The following TMEM63A variants were observed in gnomAD, a reference collection of about 807,000 sequenced individuals.
TMEM63A encodes transmembrane protein 63A.
TMEM63A carries 76 observed loss-of-function variants against 100.6 expected under a neutral mutation model. That is an observed-to-expected ratio of 0.76 (90% CI 0.63 to 0.91). The LOEUF is 0.91. Among genes scored for constraint, TMEM63A ranks in the 40% least tolerant of loss-of-function variants. TMEM63A has a pLI of 0.00. For missense variants in TMEM63A, 876 were observed against 1,008.8 expected, an observed-to-expected ratio of 0.87 and a Z score of 1.78; for synonymous variants, 401 against 401.1, an observed-to-expected ratio of 1.00 and a Z score of 0.00.
intron 5 of TMEM63A, 72 bp from the exon 6 acceptor site, chr1:225,871,185 T>C (rs928550005): frequency 3.3e-6 from 5 of 1,498,872 alleles, no homozygotes; most frequent in Non-Finnish European, 4.6e-6. Flanking sequence ...CCATTGTCTT[T>C]GACATTAAAT....
chr1:225,871,866 G>C (rs948288522), intron 5 of TMEM63A, 121 bp downstream of exon 5: 2 of 720,706 alleles, frequency 2.8e-6, no homozygotes, highest in Admixed American at 5.2e-5. Flanking sequence ...TGCCTTCGTC[G>C]ATGCAGAAAA....
chr1:225,862,304 C>A lies in TMEM63A; in HGVS notation c.999G>T (p.Glu333Asp). The stretch of plus-strand genomic sequence containing the variant: ...CGTGGCGTTCTTCCTCTGTGATCCT[C>A]TCCAGCAGCCTGTCCTTCATCCGTG... ...YYTRMKDRLL[E>D]RITEEERHVQ... is the part of the protein sequence containing the mutation. The change falls in exon 13 of 25, where the codon GAG (glutamate) becomes GAT (aspartate). Residue 333 changes from glutamate to aspartate, a missense_variant. By Grantham distance (45) the Glu-to-Asp change is conservative. Coordinates refer to ENST00000366835, the MANE Select transcript of TMEM63A (RefSeq NM_014698.3). The surrounding 1 kb of genome is among the most constrained non-coding windows in gnomAD (Gnocchi z 5.1). 2 of 1,614,206 alleles carry A rather than the reference C, an allele frequency of 1.2e-6. No individual in the cohort carries two copies. The highest frequency in any genetic ancestry group is 8.5e-7 in the Non-Finnish European group (1 of 1,180,034).
chr1:225,869,514 GA>G (rs1444926221), intron 6 of TMEM63A, among the ~76,000 whole-genome samples: 2 of 152,012 alleles, frequency 1.3e-5, no homozygotes, highest in African/African-American at 2.4e-5. Context: ...TCATTCCTTT[GA>G]ATTAGGCTGA....
Position 225,859,196 on chromosome 1 carries a change from A to G in TMEM63A, c.1377T>C (p.Asn459=), listed in dbSNP as rs1220626874. 2 of 1,614,032 alleles carry G rather than the reference A, an allele frequency of 1.2e-6. No homozygotes were observed. The highest frequency in any genetic ancestry group is 2.7e-5 in the African/African-American group (2 of 75,006). ...GGGGCCTTGCAGAACAGTTACTCAC[A>G]TTCAGCGCATGGATGGGTTTGGTGA... is the stretch of plus-strand genomic sequence containing the variant. The part of the protein sequence containing the change: ...FNVTKPIHAL[N]NPIISQFFPT... The change falls in exon 15 of 25, where the codon AAT becomes AAC. Residue 459 remains asparagine (N), a splice_region_variant and synonymous_variant. Transcript: ENST00000366835.
chr1:225,849,438 A>G (rs1375087829), intron 21 of TMEM63A, among the ~76,000 whole-genome samples: 1 of 152,118 alleles, frequency 6.6e-6, no homozygotes, highest in South Asian at 2.1e-4. Flanking sequence ...CACCTCTTCC[A>G]TGCCAGGAGG....
intron 3 of TMEM63A, among the ~76,000 whole-genome samples, chr1:225,875,226 G>A (rs1034512940): frequency 2.0e-5 from 3 of 152,138 alleles, no homozygotes; most frequent in Non-Finnish European, 4.4e-5. Flanking sequence ...CTTGGCCTCC[G>A]TAAGCTGGGA....
Position 225,862,184 on chromosome 1 carries a change from A to G in TMEM63A, c.1085+34T>C. 6.2e-7 allele frequency: 1 copy of G among 1,610,752 alleles called. No homozygotes were observed. Among genetic ancestry groups the G allele is most frequent in the Non-Finnish European group, 8.5e-7 (1 of 1,178,426 alleles). ...GTTATCTGGAGGGGAACAGGGAGTC[A>G]GCCAAGAAGGGGTCTGGATGTGCCT... is the stretch of plus-strand genomic sequence containing the variant. On this transcript the variant is annotated intron_variant, in intron 13 of 24. Coordinates refer to ENST00000366835, the MANE Select transcript of TMEM63A (RefSeq NM_014698.3). This position sits in a 1 kb window ranked among gnomAD's most constrained non-coding sequence, Gnocchi z 5.1.
chr1:225,842,456 A>G (rs1482228592), downstream of TMEM63A: 3 of 1,613,490 alleles, frequency 1.9e-6, no homozygotes, highest in East Asian at 4.5e-5. Flanking sequence ...CGATACCTGG[A>G]GGATGGAGGC....
At chr1:225,840,871 C>T (rs925339366), downstream of TMEM63A, 5 of 152,222 alleles carry the variant, frequency 3.3e-5, no homozygotes, top group Non-Finnish European at 5.9e-5. Context: ...CCCACACACA[C>T]GAGGCAGCTC....
intron 3 of TMEM63A, among the ~76,000 whole-genome samples, chr1:225,875,160 A>T (rs1398906674): frequency 2.6e-5 from 4 of 152,180 alleles, no homozygotes; most frequent in African/African-American, 9.7e-5. Context: ...GCAATCCCCC[A>T]GCAGAGAGCA....
At chr1:225,843,445 C>T (rs545087759), downstream of TMEM63A, among the ~76,000 whole-genome samples, 78 of 152,326 alleles carry the variant, frequency 5.1e-4, no homozygotes, top group Non-Finnish European at 6.5e-4. Flanking sequence ...TCACCTCCTC[C>T]AAGAGCCTCA....
downstream of TMEM63A, chr1:225,842,402 C>T (rs373882933): frequency 1.2e-6 from 2 of 1,613,966 alleles, no homozygotes; most frequent in Admixed American, 1.7e-5. Context: ...GGTCTGGCTG[C>T]CTATATTCTA....
At position 225,855,861 on chromosome 1, in the gene TMEM63A, A is replaced by G; in HGVS notation, c.1634+17T>C. On this transcript the variant is annotated intron_variant, in intron 18 of 24. Transcript: ENST00000366835. ...ACCCAGGGCCATGGCTCCAGAACTC[A>G]ACTTGGCAATACTCACTCCAACCTG... is the stretch of plus-strand genomic sequence containing the variant. The G allele has an allele frequency of 6.2e-7, 1 of 1,613,582 alleles. No individual in the cohort carries two copies. The highest frequency in any genetic ancestry group is 2.2e-5 in the East Asian group (1 of 44,850).
Position 225,862,211 on chromosome 1 carries a change from C to T in TMEM63A, c.1085+7G>A, listed in dbSNP as rs758910063. 1.2e-6 allele frequency: 2 copies of T among 1,613,554 alleles called. No individual in the cohort carries two copies. Among genetic ancestry groups the T allele is most frequent in the Non-Finnish European group, 1.7e-6 (2 of 1,179,980 alleles). On this transcript the variant is annotated splice_region_variant and intron_variant, in intron 13 of 24. Coordinates refer to ENST00000366835, the MANE Select transcript of TMEM63A (RefSeq NM_014698.3). The surrounding 1 kb of genome is among the most constrained non-coding windows in gnomAD (Gnocchi z 5.1). ...CCAAGAAGGGGTCTGGATGTGCCTA[C>T]ACTCACTAGGTGGCCATGGACTTCT... is the stretch of plus-strand genomic sequence containing the variant.
At position 225,847,083 on chromosome 1, in the gene TMEM63A, TGC is replaced by T; in HGVS notation, c.2379_2380del (p.Gln794GlufsTer117). The T allele has an allele frequency of 4.3e-6, 7 of 1,613,606 alleles. No individual in the cohort carries two copies. Among genetic ancestry groups the T allele is most frequent in the Non-Finnish European group, 5.9e-6 (7 of 1,179,902 alleles). Reference sequence around the variant, plus strand: ...AGCAGCCACACTGCCCGTGGCGCTCTGCGCCAAGCACTGTCCAGGGATAGTCC... The same window carrying T: ...AGCAGCCACACTGCCCGTGGCGCTCTGCCAAGCACTGTCCAGGGATAGTCC... On this transcript the variant is annotated frameshift_variant, in exon 24 of 25. Coordinates refer to ENST00000366835, the MANE Select transcript of TMEM63A (RefSeq NM_014698.3). LOFTEE classifies it high-confidence loss of function.
intron 1 of TMEM63A, among the ~76,000 whole-genome samples, chr1:225,880,039 T>TC (rs1671012997): frequency 6.6e-6 from 1 of 152,016 alleles, no homozygotes; most frequent in Admixed American, 6.6e-5. Context: ...CTCTTCCCCC[T>TC]CCCTCCAGCC....
At chr1:225,866,869 C>A in intron 8 of TMEM63A, 187 bp from the exon 9 acceptor site, 1 of 674,746 alleles carries the variant, frequency 1.5e-6, no homozygotes. Context: ...CAGAGGGGTC[C>A]CCATCCCTGT....
In TMEM63A at chr1:225,862,751, A is replaced by G. The variant is rs1272614175; in HGVS notation, c.827+20T>C. On this transcript the variant is annotated intron_variant, in intron 11 of 24. Coordinates refer to ENST00000366835, the MANE Select transcript of TMEM63A (RefSeq NM_014698.3). This position sits in a 1 kb window ranked among gnomAD's most constrained non-coding sequence, Gnocchi z 5.1. ...AGCAAGGAAGGAGGGGGCATCTTGC[A>G]AGGCCCGCCCACCACTCACTTCTCC... is the stretch of plus-strand genomic sequence containing the variant. 1.2e-6 allele frequency: 2 copies of G among 1,613,882 alleles called. No individual in the cohort carries two copies. The highest frequency in any genetic ancestry group is 2.2e-5 in the South Asian group (2 of 91,068).
intron 23 of TMEM63A, chr1:225,847,568 C>G: frequency 5.4e-6 from 1 of 184,884 alleles, no homozygotes; most frequent in Non-Finnish European, 1.1e-5. Flanking sequence ...TGCCCTGGGA[C>G]CCCTGGGATG....
Sources: gnomAD v4.1 joint callset for allele counts (sites outside exome capture counted in the v4.1 genomes callset) on GRCh38, gnomAD v4.1.1 for gene constraint, Gnocchi (gnomAD v3.1) non-coding constraint, MANE v1.5 for transcripts, NCBI Gene and HGNC (gene_info 2026-07-23, HGNC 2026-07-21) for gene names.